ADCY1: variants seen among roughly 807,000 people sequenced by gnomAD.
ADCY1 encodes the protein adenylate cyclase type 1.
ADCY1 carries 28 observed loss-of-function variants against 105.4 expected under a neutral mutation model. The observed-to-expected ratio is 0.27, with a 90% confidence interval of 0.20 to 0.36. ADCY1 has a LOEUF of 0.36. Among genes scored for constraint, ADCY1 ranks in the 10% least tolerant of loss-of-function variants. The probability of loss-of-function intolerance (pLI) is 1.00; values close to 1 mark genes in which losing one functional copy is unlikely to be tolerated. For missense variants in ADCY1, 977 were observed against 1,434.2 expected, an observed-to-expected ratio of 0.68 and a Z score of 5.15; for synonymous variants, 655 against 623.8, an observed-to-expected ratio of 1.05 and a Z score of -0.75.
intron 11 of ADCY1, among the ~76,000 whole-genome samples, chr7:45,682,409 A>G (rs2116198436): frequency 6.6e-6 from 1 of 152,256 alleles, no homozygotes; most frequent in South Asian, 2.1e-4. Context: ...CCTGGAGAAC[A>G]TCAGGAGCGG....
intron 8 of ADCY1, chr7:45,664,384 C>T (rs760974342): frequency 1.2e-5 from 19 of 1,536,030 alleles, no homozygotes; most frequent in Non-Finnish European, 1.7e-5. Flanking sequence ...AGCTTCAGGT[C>T]CTGCCCAACA....
rs540568669 is a variant in ADCY1 at position 45,703,258 on chromosome 7, G to A, written c.2455-118G>A. The stretch of plus-strand genomic sequence containing the variant: ...TAGTGGGGAGGAGGGACAGGAGCGT[G>A]GATGTAGACCATCAGCACACCTGGA... On this transcript the variant is annotated intron_variant, in intron 14 of 19. Transcript: ENST00000297323. The surrounding 1 kb of genome is among the most constrained non-coding windows in gnomAD (Gnocchi z 5.9). 1.4e-5 allele frequency: 12 copies of A among 888,564 alleles called. No homozygotes were observed. In the South Asian group the frequency reaches 1.6e-4, roughly 12 times the overall value. The allele number at this position is 888,564 out of a possible 1,614,324, so 55.0% of individuals were successfully genotyped here. A position where few individuals can be genotyped will look rare whatever the true frequency, so the allele number is the denominator to read the frequency against.
intron 17 of ADCY1, among the ~76,000 whole-genome samples, chr7:45,707,321 G>T (rs1293048626): frequency 2.0e-5 from 3 of 152,140 alleles, no homozygotes; most frequent in East Asian, 3.8e-4. Flanking sequence ...AAGAAATTTG[G>T]TATATCCATA....
chr7:45,644,592 A>G (rs6953182), intron 4 of ADCY1, among the ~76,000 whole-genome samples: 1 of 152,116 alleles, frequency 6.6e-6, no homozygotes, highest in African/African-American at 2.4e-5. Flanking sequence ...TGTCCCTTTC[A>G]AGCCTGGGAG....
intron 14 of ADCY1, among the ~76,000 whole-genome samples, chr7:45,700,970 G>A (rs899252213): frequency 6.6e-6 from 1 of 152,208 alleles, no homozygotes; most frequent in Non-Finnish European, 1.5e-5. Flanking sequence ...GAGGCATCAC[G>A]TAACTATCAC....
In ADCY1 at chr7:45,677,970, C is replaced by G. The variant is rs1414844858; in HGVS notation, c.1707C>G (p.Ile569Met). The G allele has an allele frequency of 6.2e-7, 1 of 1,614,218 alleles. No individual in the cohort carries two copies. The highest frequency in any genetic ancestry group is 2.2e-5 in the East Asian group (1 of 44,878). The part of the protein sequence containing the change: ...TTPGTRVNRY[I>M]SRLLEARQTE... ...CGGGCACTCGCGTCAACAGGTACAT[C>G]AGCCGCCTCTTAGAAGCCCGCCAGA... Residue 569 changes from isoleucine (I) to methionine (M), a missense_variant, in exon 9 of 20, where the codon ATC (isoleucine) becomes ATG (methionine). Physicochemically the swap from Ile to Met is conservative, Grantham distance 10. This residue lies in a region of ADCY1 where 275 missense variants were observed against 362.1 expected (regional missense o/e 0.76). Coordinates refer to ENST00000297323, the MANE Select transcript of ADCY1 (RefSeq NM_021116.4).
chr7:45,650,845 C>T (rs1016348269), intron 5 of ADCY1, among the ~76,000 whole-genome samples: 7 of 152,192 alleles, frequency 4.6e-5, no homozygotes, highest in Non-Finnish European at 8.8e-5. Flanking sequence ...GGAAGCCCTG[C>T]GTCTACGCTC....
chr7:45,601,619 C>T (rs1057076902), intron 2 of ADCY1, among the ~76,000 whole-genome samples: 1 of 152,036 alleles, frequency 6.6e-6, no homozygotes, highest in Non-Finnish European at 1.5e-5. Flanking sequence ...AGTCATGAGT[C>T]CTCATTAATA....
At chr7:45,624,404 C>G (rs536416814) in intron 4 of ADCY1, among the ~76,000 whole-genome samples, 1 of 152,232 alleles carries the variant, frequency 6.6e-6, no homozygotes, top group East Asian at 1.9e-4. Context: ...TGGAAGATCC[C>G]TGTGGGGAAG....
intron 1 of ADCY1, among the ~76,000 whole-genome samples, chr7:45,579,549 A>G (rs968687476): frequency 1.3e-5 from 2 of 151,968 alleles, no homozygotes; most frequent in East Asian, 1.9e-4. Flanking sequence ...TCCTGTCACC[A>G]TGGAGTACCC....
chr7:45,607,563 A>T (rs1425683260), intron 2 of ADCY1, among the ~76,000 whole-genome samples: 1 of 152,204 alleles, frequency 6.6e-6, no homozygotes, highest in Admixed American at 6.5e-5. Context: ...AAAGCATAGT[A>T]CCCAGTAGCT....
Position 45,714,003 on chromosome 7 carries a change from C to T in ADCY1, c.*8C>T, listed in dbSNP as rs771371522. The T allele has an allele frequency of 1.3e-6, 1 of 770,614 alleles. No individual in the cohort carries two copies. The highest frequency in any genetic ancestry group is 2.4e-6 in the Non-Finnish European group (1 of 411,726). 47.7% of individuals were successfully genotyped at this position (770,614 alleles called of 1,614,324 possible). On this transcript the variant is annotated 3_prime_UTR_variant, in exon 20 of 20. Coordinates refer to ENST00000297323, the MANE Select transcript of ADCY1 (RefSeq NM_021116.4). ...GCTGGGAAGGAGGCTTAGTGGAGCC[C>T]ACGTGGGCCTCTGGGGTGCACATGG...
At chr7:45,580,890 T>G (rs1013929353) in intron 1 of ADCY1, among the ~76,000 whole-genome samples, 2 of 152,090 alleles carry the variant, frequency 1.3e-5, no homozygotes, top group African/African-American at 4.8e-5. Flanking sequence ...TTTAGAGTTG[T>G]TTGCCTGCCC....
In ADCY1 at chr7:45,714,116, T is replaced by A. The variant is rs1584351032; in HGVS notation, c.*121T>A. 3 of 612,078 alleles carry A rather than the reference T, an allele frequency of 4.9e-6. No homozygotes were observed. In the South Asian group the frequency reaches 5.8e-5, roughly 12 times the overall value. 37.9% of individuals were successfully genotyped at this position (612,078 alleles called of 1,614,324 possible). A position where few individuals can be genotyped will look rare whatever the true frequency, so the allele number is the denominator to read the frequency against. ...CAGAGCAGGGAGCCACTTGCCAGGG[T>A]GGAGGAGGAGCATTGTCCAGGCATG... On this transcript the variant is annotated 3_prime_UTR_variant, in exon 20 of 20. Transcript: ENST00000297323.
intron 14 of ADCY1, among the ~76,000 whole-genome samples, chr7:45,695,990 G>T (rs1450894954): frequency 1.3e-5 from 2 of 152,188 alleles, no homozygotes; most frequent in African/African-American, 2.4e-5. Context: ...GAGAAACGTT[G>T]GTAACTCCAG....
chr7:45,592,987 C>T (rs1792969166), intron 2 of ADCY1, 79 bp downstream of exon 2: 6 of 1,567,864 alleles, frequency 3.8e-6, no homozygotes, highest in Non-Finnish European at 5.2e-6. Flanking sequence ...TCCTGAGCCT[C>T]AGTTTACCCC....
chr7:45,585,636 T>A (rs560623576), intron 1 of ADCY1, among the ~76,000 whole-genome samples: 75 of 152,096 alleles, frequency 4.9e-4, no homozygotes, highest in African/African-American at 1.8e-3. Flanking sequence ...TTAGTAGAGA[T>A]GGGGTTTCTC....
intron 8 of ADCY1, among the ~76,000 whole-genome samples, chr7:45,666,120 G>T (rs1343619664): frequency 6.6e-6 from 1 of 152,078 alleles, no homozygotes; most frequent in Non-Finnish European, 1.5e-5. Context: ...TCAATGCAGT[G>T]TCTTTTCTTT....
chr7:45,593,784 A>G (rs943209028), intron 2 of ADCY1, among the ~76,000 whole-genome samples: 2 of 152,272 alleles, frequency 1.3e-5, no homozygotes, highest in African/African-American at 4.8e-5. Context: ...AAACTCACAA[A>G]CACATTTCAT....
Sources: allele counts gnomAD v4.1 joint callset (sites outside exome capture counted in the v4.1 genomes callset), GRCh38; gene constraint gnomAD v4.1.1; regional missense constraint gnomAD v4.1.1; non-coding constraint Gnocchi (gnomAD v3.1); transcripts MANE v1.5; gene names NCBI Gene and HGNC (gene_info 2026-07-23, HGNC 2026-07-21).